TBL1XR1: variants seen among roughly 807,000 people sequenced by gnomAD.
TBL1XR1 encodes the protein TBL1X/Y related 1.
In TBL1XR1, 5 loss-of-function variants were observed where a neutral mutation model predicts 66.9. That is an observed-to-expected ratio of 0.07 (90% CI 0.04 to 0.16). TBL1XR1 has a LOEUF of 0.16. TBL1XR1 is among the 10% of genes least tolerant of loss of function. The pLI is 1.00. For synonymous variants in TBL1XR1, 210 were observed against 206.0 expected (o/e 1.02, Z -0.17); for missense variants, 238 against 623.2 (o/e 0.38, Z 6.58).
chr3:177,197,355 G>T lies in TBL1XR1; in HGVS notation c.-356C>A. ...TGGCGAGCGGAGGTGCTCCCGCCGC[G>T]GGGGGAGGGGCGGGGGCGCACGCGG... On this transcript the variant is annotated 5_prime_UTR_variant, in exon 1 of 16. Coordinates refer to ENST00000457928, the MANE Select transcript of TBL1XR1 (RefSeq NM_024665.7). 1.4e-5 allele frequency: 2 copies of T among 146,998 alleles called. No individual in the cohort carries two copies. Among genetic ancestry groups the T allele is most frequent in the South Asian group, 3.7e-4 (2 of 5,464 alleles). The allele number at this position is 146,998 out of a possible 1,614,324, so 9.1% of individuals were successfully genotyped here.
chr3:177,089,025 G>T (rs904626498), intron 2 of TBL1XR1, among the ~76,000 whole-genome samples: 1 of 152,090 alleles, frequency 6.6e-6, no homozygotes. Flanking sequence ...ACTCTTTCTC[G>T]GCAGCGACCT....
intron 1 of TBL1XR1, among the ~76,000 whole-genome samples, chr3:177,099,178 C>A (rs866393257): frequency 4.6e-5 from 7 of 152,062 alleles, no homozygotes; most frequent in Admixed American, 6.5e-5. Context: ...ATCAGCCTGG[C>A]CAACATGGAG....
chr3:177,031,002 C>T (rs949175906), intron 14 of TBL1XR1, among the ~76,000 whole-genome samples: 2 of 152,168 alleles, frequency 1.3e-5, no homozygotes, highest in African/African-American at 4.8e-5. Context: ...ATCCCAGCTA[C>T]TCATGGGGCT....
At chr3:177,115,467 T>C (rs1195124932) in intron 1 of TBL1XR1, among the ~76,000 whole-genome samples, 1 of 152,218 alleles carries the variant, frequency 6.6e-6, no homozygotes, top group Non-Finnish European at 1.5e-5. Context: ...TGCTTACTGC[T>C]ATTCACTACC....
intron 2 of TBL1XR1, among the ~76,000 whole-genome samples, chr3:177,093,593 C>A (rs1302890580): frequency 1.3e-5 from 2 of 152,064 alleles, no homozygotes; most frequent in African/African-American, 4.8e-5. Flanking sequence ...CCATAGTCAC[C>A]AAAACAGCAT....
At position 177,181,503 on chromosome 3, in the gene TBL1XR1, C is replaced by T. The variant is rs13087796; in HGVS notation, c.-122+15618G>A. Among the ~76,000 whole-genome samples the T allele has an allele frequency of 7.0e-3, 1,066 of 151,324 alleles. 15 individuals carry two copies. The highest frequency in any genetic ancestry group is 0.041 in the Admixed American group (616 of 15,154). ...TTAAAAAAAAAAAAAAAGAACGCCTCTGCCAGCCTACACTCAACAGTAGAA... is the reference window on the plus strand; with the variant it reads ...TTAAAAAAAAAAAAAAAGAACGCCTTTGCCAGCCTACACTCAACAGTAGAA... On this transcript the variant is annotated intron_variant, in intron 1 of 15. Transcript: ENST00000457928.
chr3:177,196,854 A>G (rs1736925771), intron 1 of TBL1XR1, among the ~76,000 whole-genome samples: 1 of 151,614 alleles, frequency 6.6e-6, no homozygotes, highest in East Asian at 2.0e-4. Context: ...ATCCCCCGAG[A>G]CCGGGAAAGG....
rs1474762993 is a variant in TBL1XR1, at chr3:177,135,175, T to C, written c.-121-36634A>G. 2.7e-5 allele frequency among the ~76,000 whole-genome samples: 4 copies of C among 150,384 alleles called. No individual in the cohort carries two copies. In the East Asian group the frequency reaches 7.8e-4, roughly 29 times the overall value. The stretch of plus-strand genomic sequence containing the variant: ...CACCACCACGTCCGACTAATTTTTG[T>C]ATTTTTAGTAGAGATGGGGTTTCGC... On this transcript the variant is annotated intron_variant, in intron 1 of 15. Transcript: ENST00000457928.
intron 1 of TBL1XR1, among the ~76,000 whole-genome samples, chr3:177,155,619 GAT>G (rs1446100420): frequency 6.6e-6 from 1 of 152,172 alleles, no homozygotes; most frequent in African/African-American, 2.4e-5. Flanking sequence ...AAAGGAGAAA[GAT>G]AGTTTTTTTC....
chr3:177,165,835 C>T (rs1441335605), intron 1 of TBL1XR1, among the ~76,000 whole-genome samples: 1 of 152,170 alleles, frequency 6.6e-6, no homozygotes, highest in Non-Finnish European at 1.5e-5. Flanking sequence ...CAGTGGCTCA[C>T]ACCTGTAATC....
chr3:177,046,215 A>G, intron 9 of TBL1XR1, 26 bp from the exon 10 acceptor site: 3 of 1,509,360 alleles, frequency 2.0e-6, no homozygotes, highest in Non-Finnish European at 2.7e-6. Context: ...AAAGAAAAAT[A>G]AACTCATGGA....
chr3:177,191,839 C>T (rs1030226569), intron 1 of TBL1XR1, among the ~76,000 whole-genome samples: 11 of 152,190 alleles, frequency 7.2e-5, no homozygotes, highest in African/African-American at 2.7e-4. Context: ...CACGGTGGCT[C>T]ATGCCTGTAA....
chr3:177,145,574 T>TTGG (rs1730149098), intron 1 of TBL1XR1, among the ~76,000 whole-genome samples: 3 of 152,202 alleles, frequency 2.0e-5, no homozygotes, highest in African/African-American at 7.2e-5. Flanking sequence ...CCCTCTTGGC[T>TTGG]TTCCACAAAG....
intron 5 of TBL1XR1, 73 bp from the exon 6 acceptor site, chr3:177,050,683 C>T (rs1214623126): frequency 1.3e-6 from 2 of 1,535,288 alleles, no homozygotes; most frequent in African/African-American, 2.7e-5. Flanking sequence ...GATTTCTTAA[C>T]TAGCAAATAC....
chr3:177,026,586 T>G, intron 14 of TBL1XR1, 112 bp from the exon 15 acceptor site: 1 of 691,510 alleles, frequency 1.4e-6, no homozygotes, highest in Non-Finnish European at 2.2e-6. Context: ...AGGAGGGACT[T>G]AGCTTCAACT....
intron 1 of TBL1XR1, among the ~76,000 whole-genome samples, chr3:177,128,244 A>G (rs1360459972): frequency 6.6e-6 from 1 of 152,102 alleles, no homozygotes; most frequent in Non-Finnish European, 1.5e-5. Context: ...AAAAAAAATC[A>G]TTCTTTTAGT....
intron 1 of TBL1XR1, among the ~76,000 whole-genome samples, chr3:177,156,102 A>C (rs1731456600): frequency 6.6e-6 from 1 of 151,298 alleles, no homozygotes; most frequent in Non-Finnish European, 1.5e-5. Flanking sequence ...AGAACAAAAA[A>C]AAACAGAAAC....
chr3:177,134,026 G>C (rs140234367), intron 1 of TBL1XR1, among the ~76,000 whole-genome samples: 2 of 151,710 alleles, frequency 1.3e-5, no homozygotes, highest in African/African-American at 4.8e-5. Flanking sequence ...TTTCTTCCCC[G>C]GGCAAAGGAC....
chr3:177,053,462 AT>A (rs376530320), intron 4 of TBL1XR1, among the ~76,000 whole-genome samples: 7 of 152,334 alleles, frequency 4.6e-5, no homozygotes, highest in African/African-American at 1.7e-4. Flanking sequence ...TAACGTGAGA[AT>A]TTACAATTTT....
Sources: allele counts gnomAD v4.1 joint callset (sites outside exome capture counted in the v4.1 genomes callset), GRCh38; gene constraint gnomAD v4.1.1; transcripts MANE v1.5; gene names NCBI Gene and HGNC (gene_info 2026-07-23, HGNC 2026-07-21).